The following MAPRE2 variants were observed in gnomAD, a reference collection of about 807,000 sequenced individuals.
MAPRE2 encodes microtubule-associated protein RP/EB family member 2.
MAPRE2 carries 13 observed loss-of-function variants against 43.2 expected under a neutral mutation model. The ratio of observed to expected loss-of-function variants is 0.30; its 90% CI spans 0.20 to 0.48. The LOEUF (loss-of-function observed/expected upper bound fraction) is 0.48, where lower values mean the gene tolerates loss of function less well. Ranked by LOEUF, MAPRE2 falls within the 20% of genes least tolerant of loss-of-function variation. The pLI, the probability that MAPRE2 is intolerant of heterozygous loss-of-function variation, is 0.99. For synonymous variants in MAPRE2, 135 were observed against 148.8 expected, an observed-to-expected ratio of 0.91 and a Z score of 0.68; for missense variants, 161 against 400.2, an observed-to-expected ratio of 0.40 and a Z score of 5.10.
chr18:35,137,182 T>C (rs922580570), intron 6 of MAPRE2, among the ~76,000 whole-genome samples: 1 of 152,210 alleles, frequency 6.6e-6, no homozygotes, highest in South Asian at 2.1e-4. Flanking sequence ...ATTGATAAAT[T>C]GGGAGCTTTG....
At chr18:35,104,561 C>G (rs1238139378) in intron 4 of MAPRE2, among the ~76,000 whole-genome samples, 1 of 151,632 alleles carries the variant, frequency 6.6e-6, no homozygotes, top group Non-Finnish European at 1.5e-5. Context: ...GAGTATGACG[C>G]TAAAGCTGAA....
At chr18:35,049,119 C>T (rs117827451) in intron 1 of MAPRE2, among the ~76,000 whole-genome samples, 236 of 152,092 alleles carry the variant, frequency 1.6e-3, no homozygotes, top group Non-Finnish European at 2.4e-3. Context: ...CTGGCAAAGC[C>T]CTGGGAGGTA....
At chr18:35,106,518 T>A (rs1908914683) in intron 4 of MAPRE2, among the ~76,000 whole-genome samples, 1 of 152,174 alleles carries the variant, frequency 6.6e-6, no homozygotes, top group South Asian at 2.1e-4. Flanking sequence ...GCTTTTACAT[T>A]GTACAGACTA....
chr18:35,021,885 C>T (rs1603390916), intron 2 of MAPRE2, among the ~76,000 whole-genome samples: 1 of 151,880 alleles, frequency 6.6e-6, no homozygotes, highest in Non-Finnish European at 1.5e-5. Context: ...TTTAAAAAAC[C>T]CAAACCTAGG....
chr18:35,058,332 C>A (rs1167720007), intron 1 of MAPRE2, among the ~76,000 whole-genome samples: 2 of 152,056 alleles, frequency 1.3e-5, no homozygotes, highest in Non-Finnish European at 2.9e-5. Flanking sequence ...GTTTAAAAAT[C>A]AATTTTACCA....
chr18:35,102,180 C>A (rs1908710378), intron 4 of MAPRE2, 21 bp downstream of exon 4: 4 of 1,536,984 alleles, frequency 2.6e-6, no homozygotes, highest in Non-Finnish European at 3.5e-6. Flanking sequence ...AATGAGATTG[C>A]GGGAGTTGCT....
chr18:35,065,276 C>A (rs570477041), intron 1 of MAPRE2, among the ~76,000 whole-genome samples: 1 of 149,434 alleles, frequency 6.7e-6, no homozygotes, highest in African/African-American at 2.5e-5. Context: ...CCAGCCTGGG[C>A]GACAGAGTAG....
chr18:35,064,001 A>T (rs1227438698), intron 1 of MAPRE2, among the ~76,000 whole-genome samples: 1 of 44,416 alleles, frequency 2.3e-5, no homozygotes, highest in Non-Finnish European at 3.7e-5. Flanking sequence ...CTGTCTCTTT[A>T]AAAAAAAAAA....
intron 1 of MAPRE2, chr18:34,977,110 C>A: frequency 6.5e-6 from 1 of 154,826 alleles, no homozygotes; most frequent in Non-Finnish European, 1.4e-5. Flanking sequence ...GCGGTACCGC[C>A]CTGGCGCACC....
intron 2 of MAPRE2, among the ~76,000 whole-genome samples, chr18:35,006,341 TA>T (rs774772189): frequency 1.5e-4 from 22 of 151,200 alleles, no homozygotes; most frequent in African/African-American, 4.1e-4. Flanking sequence ...CATTTTTACT[TA>T]AAAAAAAAGT....
intron 5 of MAPRE2, chr18:35,127,442 G>A (rs1909956754): frequency 5.6e-6 from 1 of 180,130 alleles, no homozygotes; most frequent in South Asian, 1.5e-4. Flanking sequence ...GCATTAGGGT[G>A]AGTCTGCCTC....
chr18:35,122,207 A>G (rs186052616), intron 4 of MAPRE2, among the ~76,000 whole-genome samples: 21 of 152,324 alleles, frequency 1.4e-4, no homozygotes, highest in Admixed American at 1.0e-3. Flanking sequence ...TAATCATGTG[A>G]CAGCTGTGAG....
At chr18:35,095,410 A>G (rs1253180404) in intron 2 of MAPRE2, among the ~76,000 whole-genome samples, 1 of 151,016 alleles carries the variant, frequency 6.6e-6, no homozygotes, top group Admixed American at 6.6e-5. Context: ...ACGCACACAC[A>G]CACTCCTTTC....
intron 2 of MAPRE2, among the ~76,000 whole-genome samples, chr18:35,076,659 TGAA>T (rs1176761680): frequency 6.6e-5 from 10 of 152,326 alleles, no homozygotes; most frequent in Middle Eastern, 3.4e-3. Flanking sequence ...CTTAAGTACA[TGAA>T]GCATATTGTC....
At chr18:35,099,675 G>A (rs1226570690) in intron 3 of MAPRE2, among the ~76,000 whole-genome samples, 1 of 152,140 alleles carries the variant, frequency 6.6e-6, no homozygotes, top group Non-Finnish European at 1.5e-5. Context: ...ATTCTTCCTT[G>A]TAAGCAGACA....
At chr18:35,004,839 G>A (rs957002336) in intron 1 of MAPRE2, among the ~76,000 whole-genome samples, 2 of 151,254 alleles carry the variant, frequency 1.3e-5, no homozygotes, top group Non-Finnish European at 2.9e-5. Flanking sequence ...AATGGCGTGA[G>A]CCCAGGAGGC....
At chr18:34,984,590 A>G (rs1328983300) in intron 1 of MAPRE2, 1 of 151,466 alleles carries the variant, frequency 6.6e-6, no homozygotes, top group Non-Finnish European at 1.5e-5. Flanking sequence ...ACTAACTTCC[A>G]CGTTAACCCC....
chr18:34,991,234 C>T (rs1342961854), intron 1 of MAPRE2, among the ~76,000 whole-genome samples: 1 of 152,120 alleles, frequency 6.6e-6, no homozygotes, highest in Non-Finnish European at 1.5e-5. Context: ...TTGTAGTCCC[C>T]AGTGTCCATT....
intron 2 of MAPRE2, among the ~76,000 whole-genome samples, chr18:35,013,680 C>A (rs898596895): frequency 6.6e-6 from 1 of 152,104 alleles, no homozygotes; most frequent in Non-Finnish European, 1.5e-5. Context: ...TTCCCCCAAC[C>A]CTTCCCAGCC....
Sources: gnomAD v4.1 joint callset for allele counts (sites outside exome capture counted in the v4.1 genomes callset) on GRCh38, gnomAD v4.1.1 for gene constraint, MANE v1.5 for transcripts, NCBI Gene and HGNC (gene_info 2026-07-23, HGNC 2026-07-21) for gene names.